DAP: variants seen among roughly 807,000 people sequenced by gnomAD.
DAP encodes death associated protein, also known as death-associated protein 1.
Under a neutral mutation model 13.8 loss-of-function variants are expected in DAP, and 8 were observed. The observed-to-expected ratio is 0.58, with a 90% CI of 0.34 to 1.05. DAP has a LOEUF of 1.05. Among genes scored for constraint, DAP ranks in the 50% least tolerant of loss-of-function variants. The pLI, the probability that DAP is intolerant of heterozygous loss-of-function variation, is 0.03. For missense variants in DAP, 106 were observed against 133.2 expected, an observed-to-expected ratio of 0.80 and a Z score of 1.01; for synonymous variants, 47 against 47.5, an observed-to-expected ratio of 0.99 and a Z score of 0.04.
chr5:10,686,717 C>T (rs1381971786), intron 2 of DAP, among the ~76,000 whole-genome samples: 7 of 152,168 alleles, frequency 4.6e-5, no homozygotes, highest in African/African-American at 1.4e-4. Flanking sequence ...AGGAAAGAAG[C>T]CATCTCCAGA....
At chr5:10,732,388 C>T (rs1739487982) in intron 2 of DAP, among the ~76,000 whole-genome samples, 1 of 152,236 alleles carries the variant, frequency 6.6e-6, no homozygotes, top group African/African-American at 2.4e-5. Flanking sequence ...CAGTCATCTG[C>T]TGCCTGTGTC....
intron 1 of DAP, among the ~76,000 whole-genome samples, 197 bp downstream of exon 1, chr5:10,760,817 G>A (rs537331369): frequency 6.6e-6 from 1 of 152,128 alleles, no homozygotes; most frequent in African/African-American, 2.4e-5. Flanking sequence ...CGGCAAGCGG[G>A]GCCGAAGCTC....
At chr5:10,695,865 ATT>A (rs542051940) in intron 2 of DAP, among the ~76,000 whole-genome samples, 5 of 142,292 alleles carry the variant, frequency 3.5e-5, no homozygotes, top group Admixed American at 7.0e-5. Flanking sequence ...CTTCACAGAG[ATT>A]TTTTTTTTTT....
intron 2 of DAP, among the ~76,000 whole-genome samples, chr5:10,723,821 G>C (rs1739217906): frequency 6.6e-6 from 1 of 152,134 alleles, no homozygotes. Flanking sequence ...TTACAATGCT[G>C]AGTTGTGACA....
At chr5:10,757,262 C>T (rs908383787) in intron 1 of DAP, among the ~76,000 whole-genome samples, 11 of 152,062 alleles carry the variant, frequency 7.2e-5, no homozygotes, top group African/African-American at 2.4e-4. Context: ...AACAGACACT[C>T]CAAACAATTG....
chr5:10,682,414 C>T (rs987084482), intron 3 of DAP, among the ~76,000 whole-genome samples: 1 of 149,708 alleles, frequency 6.7e-6, no homozygotes, highest in Non-Finnish European at 1.5e-5. Flanking sequence ...GTGAGGAAGC[C>T]CCATACCAGC....
intron 2 of DAP, among the ~76,000 whole-genome samples, chr5:10,704,257 T>C (rs1464102683): frequency 6.6e-6 from 1 of 152,206 alleles, no homozygotes; most frequent in African/African-American, 2.4e-5. Flanking sequence ...AACCCATTAA[T>C]TTTTCTACAG....
At chr5:10,755,058 T>G (rs1378357527) in intron 1 of DAP, among the ~76,000 whole-genome samples, 2 of 152,208 alleles carry the variant, frequency 1.3e-5, no homozygotes, top group Non-Finnish European at 2.9e-5. Flanking sequence ...AATCATAGAC[T>G]GAAGGTGAGG....
At chr5:10,688,662 GACAC>G (rs372946276) in intron 2 of DAP, among the ~76,000 whole-genome samples, 43 of 152,232 alleles carry the variant, frequency 2.8e-4, no homozygotes, top group Middle Eastern at 3.4e-3. Flanking sequence ...TATAAAGATT[GACAC>G]ACACACACAA....
intron 2 of DAP, among the ~76,000 whole-genome samples, chr5:10,693,744 A>G (rs1738367169): frequency 6.6e-6 from 1 of 152,176 alleles, no homozygotes; most frequent in Admixed American, 6.5e-5. Flanking sequence ...TGATTTAGAG[A>G]TGCAGAGTTT....
intron 2 of DAP, among the ~76,000 whole-genome samples, chr5:10,712,980 G>T (rs1036100558): frequency 6.6e-6 from 1 of 152,164 alleles, no homozygotes; most frequent in South Asian, 2.1e-4. Context: ...CATTAGTGCA[G>T]GCCTCCATAC....
intron 2 of DAP, among the ~76,000 whole-genome samples, chr5:10,744,036 C>CT (rs567292681): frequency 3.3e-5 from 5 of 151,344 alleles, no homozygotes; most frequent in Admixed American, 1.3e-4. Flanking sequence ...AGTTGCAGGG[C>CT]TTTTTTTTTC....
intron 1 of DAP, among the ~76,000 whole-genome samples, chr5:10,754,323 G>A (rs1359013499): frequency 1.3e-5 from 2 of 152,190 alleles, no homozygotes; most frequent in African/African-American, 2.4e-5. Context: ...GCTTTCAGGT[G>A]TGCATAGATA....
chr5:10,727,425 G>A (rs994860125), intron 2 of DAP, among the ~76,000 whole-genome samples: 6 of 152,198 alleles, frequency 3.9e-5, no homozygotes, highest in African/African-American at 9.7e-5. Flanking sequence ...GAGACTTGAC[G>A]TTTGGATTGG....
intron 2 of DAP, among the ~76,000 whole-genome samples, chr5:10,696,889 A>G (rs1738451078): frequency 6.6e-6 from 1 of 152,284 alleles, no homozygotes; most frequent in East Asian, 1.9e-4. Context: ...CCCCAGCACC[A>G]AAGAGTGGGA....
In DAP at chr5:10,744,631, A is replaced by T. The variant is rs190162170; in HGVS notation, c.152+3544T>A. ...ATCAGGGGCAAGGGCTTCCAAACCA[A>T]GACAGACTCAAGGCTGAATCCTGGC... On this transcript the variant is annotated intron_variant, in intron 2 of 3. Coordinates refer to ENST00000230895, the MANE Select transcript of DAP (RefSeq NM_004394.3). 2.6e-5 allele frequency among the ~76,000 whole-genome samples: 4 copies of T among 152,346 alleles called. No individual in the cohort carries two copies. The East Asian group carries it at 5.8e-4, about 22-fold the overall frequency.
chr5:10,683,025 A>G (rs543381240), intron 3 of DAP: 199 of 193,268 alleles, frequency 1.0e-3, no homozygotes, highest in African/African-American at 4.1e-3. Context: ...AGAGGGATCA[A>G]TGGGCTTCTG....
In DAP at chr5:10,696,592, T is replaced by A. The variant is rs186025525; in HGVS notation, c.153-13021A>T. ...AGGGAGTTTAAAGAAAATAATGTAT[T>A]CACTGTGCTTGGAATAGGCCTCCAC... On this transcript the variant is annotated intron_variant, in intron 2 of 3. Transcript: ENST00000230895. Among the ~76,000 whole-genome samples the A allele has an allele frequency of 1.1e-3, 162 of 152,342 alleles. 1 individual carries two copies. Among genetic ancestry groups the A allele is most frequent in the African/African-American group, 3.7e-3 (153 of 41,578 alleles).
chr5:10,760,957 C>A (rs1376607676), intron 1 of DAP, 57 bp downstream of exon 1: 3 of 1,131,404 alleles, frequency 2.7e-6, no homozygotes, highest in African/African-American at 1.7e-5. Flanking sequence ...CCGGCGCCCC[C>A]GGGTTCGAGC....
Sources: gnomAD v4.1 joint callset for allele counts (sites outside exome capture counted in the v4.1 genomes callset) on GRCh38, gnomAD v4.1.1 for gene constraint, MANE v1.5 for transcripts, NCBI Gene and HGNC (gene_info 2026-07-23, HGNC 2026-07-21) for gene names.